C11orf65: variants seen among roughly 807,000 people sequenced by gnomAD.
C11orf65 encodes protein MFI.
C11orf65 carries 38 observed loss-of-function variants against 35.3 expected under a neutral mutation model. That is an observed-to-expected ratio of 1.08 (90% CI 0.83 to 1.41). The LOEUF (loss-of-function observed/expected upper bound fraction) is 1.41. Among genes scored for constraint, C11orf65 ranks in the 40% most tolerant of loss-of-function variants. The pLI, the probability that C11orf65 is intolerant of heterozygous loss-of-function variation, is 0.00. For synonymous variants in C11orf65, 105 were observed against 114.4 expected (o/e 0.92, Z 0.53); for missense variants, 370 against 367.1 (o/e 1.01, Z -0.06).
At chr11:108,349,174 G>T (rs889765824) in intron 2 of C11orf65, among the ~76,000 whole-genome samples, 16 of 152,178 alleles carry the variant, frequency 1.1e-4, no homozygotes, top group African/African-American at 3.9e-4. Context: ...GGCAAGAGGG[G>T]AAAATCTTTT....
intron 3 of C11orf65, among the ~76,000 whole-genome samples, chr11:108,428,298 AC>A (rs1174853498): frequency 6.6e-6 from 1 of 152,120 alleles, no homozygotes; most frequent in Non-Finnish European, 1.5e-5. Flanking sequence ...TGACCCAGCA[AC>A]CCCATTACTG....
At chr11:108,397,047 G>T (rs1247516182) in intron 6 of C11orf65, among the ~76,000 whole-genome samples, 5 of 151,820 alleles carry the variant, frequency 3.3e-5, no homozygotes, top group African/African-American at 2.4e-5. Context: ...ATTGGCTAGG[G>T]TGGTGGCTCA....
At chr11:108,454,399 A>G (rs185110665) in intron 2 of C11orf65, among the ~76,000 whole-genome samples, 2 of 151,714 alleles carry the variant, frequency 1.3e-5, no homozygotes, top group Non-Finnish European at 1.5e-5. Flanking sequence ...CCTGGGTTCA[A>G]GTGATTCTCC....
chr11:108,449,884 T>C (rs1220161375), intron 2 of C11orf65, among the ~76,000 whole-genome samples: 3 of 151,398 alleles, frequency 2.0e-5, no homozygotes, highest in African/African-American at 7.3e-5. Context: ...TGCAACCTAC[T>C]CATCTGACAA....
Position 108,405,411 on chromosome 11 carries a change from A to T in C11orf65, c.560+18T>A. 6.2e-7 allele frequency: 1 copy of T among 1,607,028 alleles called. No homozygotes were observed. The highest frequency in any genetic ancestry group is 1.1e-5 in the South Asian group (1 of 88,860). Reference sequence around the variant, plus strand: ...CAAAATACTACGTATTTCCTTAGTAAGTGTTTCATCAACTTACATTTGCCT... The same window carrying T: ...CAAAATACTACGTATTTCCTTAGTATGTGTTTCATCAACTTACATTTGCCT... On this transcript the variant is annotated intron_variant, in intron 6 of 8. Transcript: ENST00000393084.
intron 8 of C11orf65, among the ~76,000 whole-genome samples, chr11:108,383,832 A>C (rs2091921753): frequency 6.7e-6 from 1 of 149,440 alleles, no homozygotes; most frequent in Non-Finnish European, 1.5e-5. Flanking sequence ...TCTTCTTTTC[A>C]CAGTAATCTC....
chr11:108,313,008 C>T (rs1258580143), intron 6 of C11orf65, among the ~76,000 whole-genome samples: 1 of 152,196 alleles, frequency 6.6e-6, no homozygotes, highest in Non-Finnish European at 1.5e-5. Context: ...ATCTTCTCTT[C>T]TATGCCGCTG....
At chr11:108,464,870 AGC>A (rs972283224) in intron 1 of C11orf65, among the ~76,000 whole-genome samples, 1 of 152,192 alleles carries the variant, frequency 6.6e-6, no homozygotes, top group African/African-American at 2.4e-5. Flanking sequence ...TAAAAAAAAC[AGC>A]GTGCATATTG....
intron 2 of C11orf65, among the ~76,000 whole-genome samples, chr11:108,352,413 G>A (rs1345567332): frequency 1.3e-5 from 2 of 152,104 alleles, no homozygotes; most frequent in African/African-American, 2.4e-5. Flanking sequence ...AGAATGAGGA[G>A]ACAGAAGAAA....
At chr11:108,356,796 C>T (rs1251910974) in intron 2 of C11orf65, among the ~76,000 whole-genome samples, 1 of 152,114 alleles carries the variant, frequency 6.6e-6, no homozygotes, top group Non-Finnish European at 1.5e-5. Context: ...AGTAGGAGAT[C>T]AAATGAGAGA....
At chr11:108,379,068 G>A (rs1254708039), downstream of C11orf65, among the ~76,000 whole-genome samples, 1 of 152,096 alleles carries the variant, frequency 6.6e-6, no homozygotes, top group Admixed American at 6.5e-5. Context: ...AGTCAGTGTG[G>A]CGATTCCTCG....
chr11:108,331,663 A>G (rs1034973848), intron 3 of C11orf65: 9 of 1,408,796 alleles, frequency 6.4e-6, no homozygotes, highest in South Asian at 1.4e-5. Flanking sequence ...GAAATACAAA[A>G]TTTTGTATTT....
chr11:108,334,806 G>A (rs574050507), intron 3 of C11orf65, among the ~76,000 whole-genome samples: 12 of 152,050 alleles, frequency 7.9e-5, no homozygotes, highest in South Asian at 2.1e-4. Context: ...TTAAAGTTAC[G>A]AGCGTGAGCC....
At chr11:108,355,876 G>A (rs1007565031) in intron 2 of C11orf65, 4 of 152,118 alleles carry the variant, frequency 2.6e-5, no homozygotes, top group South Asian at 2.1e-4. Context: ...GTCCATCAGG[G>A]TGGTCCTGTG....
chr11:108,354,912 T>C lies in C11orf65; in HGVS notation c.227-19620A>G, dbSNP rs200480571. ...ATAAGGAAGACTTTATTTTTTTTCTTACCAGGTAGACTGTGTATCTCATCA... is the reference window on the plus strand; with the variant it reads ...ATAAGGAAGACTTTATTTTTTTTCTCACCAGGTAGACTGTGTATCTCATCA... On this transcript the variant is annotated intron_variant, in intron 2 of 3. Transcript: ENST00000524755. 3.2e-6 allele frequency: 5 copies of C among 1,541,178 alleles called. No individual in the cohort carries two copies. The African/African-American group carries it at 4.1e-5, about 13-fold the overall frequency.
At chr11:108,399,486 T>A (rs771846870) in intron 6 of C11orf65, among the ~76,000 whole-genome samples, 2 of 152,180 alleles carry the variant, frequency 1.3e-5, no homozygotes, top group African/African-American at 4.8e-5. Flanking sequence ...AACCGAGGAA[T>A]TGAAATCATT....
intron 2 of C11orf65, among the ~76,000 whole-genome samples, chr11:108,350,132 T>C (rs2089003254): frequency 1.3e-5 from 2 of 152,122 alleles, no homozygotes; most frequent in Admixed American, 1.3e-4. Flanking sequence ...AAATAAGACA[T>C]GCCAAGCAGT....
intron 2 of C11orf65, among the ~76,000 whole-genome samples, chr11:108,445,872 G>GA (rs999196903): frequency 1.3e-5 from 2 of 150,784 alleles, no homozygotes; most frequent in Non-Finnish European, 3.0e-5. Flanking sequence ...TAAAAACTTT[G>GA]AAAAAAAAAT....
chr11:108,445,077 A>G (rs1052104169), intron 2 of C11orf65, among the ~76,000 whole-genome samples: 1 of 152,186 alleles, frequency 6.6e-6, no homozygotes. Flanking sequence ...GCCATTGCCC[A>G]GGCTTGATTT....
Sources: allele counts gnomAD v4.1 joint callset (sites outside exome capture counted in the v4.1 genomes callset), GRCh38; gene constraint gnomAD v4.1.1; transcripts MANE v1.5; gene names NCBI Gene and HGNC (gene_info 2026-07-23, HGNC 2026-07-21).